RNGTT: variants seen among roughly 807,000 people sequenced by gnomAD.
RNGTT encodes the protein mRNA-capping enzyme.
In RNGTT, 33 loss-of-function variants were observed where a neutral mutation model predicts 79.3. The observed-to-expected ratio is 0.42, with a 90% CI of 0.32 to 0.56. The LOEUF is 0.56. RNGTT is among the 20% of genes least tolerant of loss of function. The pLI, the probability that RNGTT is intolerant of heterozygous loss-of-function variation, is 0.17. For synonymous variants in RNGTT, 222 were observed against 235.9 expected (o/e 0.94, Z 0.54); for missense variants, 497 against 739.1 (o/e 0.67, Z 3.80).
intron 14 of RNGTT, among the ~76,000 whole-genome samples, chr6:88,676,473 T>A (rs1296402091): frequency 6.6e-6 from 1 of 152,076 alleles, no homozygotes; most frequent in Non-Finnish European, 1.5e-5. Context: ...CTTAAAAGTA[T>A]AAAACTTCTA....
chr6:88,843,310 T>A (rs1781364802), intron 11 of RNGTT, among the ~76,000 whole-genome samples: 1 of 152,070 alleles, frequency 6.6e-6, no homozygotes, highest in South Asian at 2.1e-4. Context: ...TCCACCCATA[T>A]AAACAAAAAT....
intron 6 of RNGTT, among the ~76,000 whole-genome samples, chr6:88,893,667 T>G (rs1258682409): frequency 6.6e-6 from 1 of 152,186 alleles, no homozygotes; most frequent in Non-Finnish European, 1.5e-5. Context: ...AGTCTGGTTA[T>G]AAAAGTTAAC....
chr6:88,717,410 G>A (rs551307131), intron 13 of RNGTT, among the ~76,000 whole-genome samples: 6 of 152,038 alleles, frequency 3.9e-5, no homozygotes, highest in Non-Finnish European at 5.9e-5. Context: ...CAAGAAATAC[G>A]CACCTATTTT....
intron 1 of RNGTT, among the ~76,000 whole-genome samples, chr6:88,941,593 C>T (rs1784849013): frequency 6.6e-6 from 1 of 152,024 alleles, no homozygotes; most frequent in Admixed American, 6.5e-5. Flanking sequence ...AATGGAAAAG[C>T]AATCTAAAAA....
chr6:88,738,904 TAAAAG>T (rs903844249), intron 13 of RNGTT, among the ~76,000 whole-genome samples: 29 of 151,526 alleles, frequency 1.9e-4, no homozygotes, highest in African/African-American at 6.8e-4. Context: ...TGCATTCACA[TAAAAG>T]AAATTTTAAA....
At chr6:88,943,518 A>G (rs1392005118) in intron 1 of RNGTT, among the ~76,000 whole-genome samples, 1 of 152,048 alleles carries the variant, frequency 6.6e-6, no homozygotes, top group African/African-American at 2.4e-5. Flanking sequence ...GGTATGTACT[A>G]TGTACCAGGC....
chr6:88,727,140 A>G (rs1377077946), intron 13 of RNGTT, among the ~76,000 whole-genome samples: 3 of 152,250 alleles, frequency 2.0e-5, no homozygotes, highest in Non-Finnish European at 2.9e-5. Context: ...GTCGTGAAAA[A>G]AAAGTTATAA....
chr6:88,753,401 C>T (rs961836292), intron 13 of RNGTT, among the ~76,000 whole-genome samples: 5 of 151,506 alleles, frequency 3.3e-5, no homozygotes, highest in Admixed American at 6.6e-5. Flanking sequence ...TACTCAGGAG[C>T]CCAAAGGCAG....
At chr6:88,648,488 TAATAATAAA>T (rs1359712117) in intron 14 of RNGTT, among the ~76,000 whole-genome samples, 2 of 148,044 alleles carry the variant, frequency 1.4e-5, no homozygotes, top group African/African-American at 5.0e-5. Context: ...ATAATAATAA[TAATAATAAA>T]AAATTCTAAC....
chr6:88,913,214 CAAAAAAAAAAAACA>C (rs1268055341), intron 4 of RNGTT, among the ~76,000 whole-genome samples: 262 of 65,560 alleles, frequency 4.0e-3, no homozygotes, highest in African/African-American at 0.01. Context: ...CAAAAAAAAA[CAAAAAAAAAAAACA>C]AAAAAAAAAA....
chr6:88,649,876 A>C (rs971223815), intron 14 of RNGTT, among the ~76,000 whole-genome samples: 2 of 152,182 alleles, frequency 1.3e-5, no homozygotes, highest in Admixed American at 1.3e-4. Flanking sequence ...TGACTGAAGG[A>C]GAGACCAGGC....
intron 10 of RNGTT, among the ~76,000 whole-genome samples, chr6:88,846,266 T>C (rs9362576): frequency 0.041 from 6,237 of 152,280 alleles, 188 homozygotes; most frequent in African/African-American, 0.076. Flanking sequence ...CAAAACACTA[T>C]CCATGCTGCC....
At chr6:88,681,467 G>A (rs527615532) in intron 13 of RNGTT, among the ~76,000 whole-genome samples, 93 of 151,834 alleles carry the variant, frequency 6.1e-4, no homozygotes, top group Non-Finnish European at 1.2e-3. Context: ...TTGTTTGAGT[G>A]GATTTTAACA....
At chr6:88,884,397 T>C (rs1354191459) in intron 8 of RNGTT, among the ~76,000 whole-genome samples, 1 of 152,286 alleles carries the variant, frequency 6.6e-6, no homozygotes, top group East Asian at 1.9e-4. Context: ...AAAGACTATC[T>C]AATTCTAAAG....
At chr6:88,687,500 G>A (rs1775320891) in intron 13 of RNGTT, among the ~76,000 whole-genome samples, 2 of 152,200 alleles carry the variant, frequency 1.3e-5, no homozygotes, top group South Asian at 2.1e-4. Flanking sequence ...ACTGTTTGCA[G>A]TTGCAAAATG....
intron 14 of RNGTT, among the ~76,000 whole-genome samples, chr6:88,636,624 G>C (rs1165207804): frequency 6.7e-6 from 1 of 150,212 alleles, no homozygotes; most frequent in Non-Finnish European, 1.5e-5. Context: ...TATGGTTTTG[G>C]TTTAAGGGGA....
intron 13 of RNGTT, among the ~76,000 whole-genome samples, chr6:88,741,836 A>C (rs1430722508): frequency 6.6e-6 from 1 of 152,080 alleles, no homozygotes; most frequent in African/African-American, 2.4e-5. Flanking sequence ...TTCTTTCTCC[A>C]TCTCCTCATA....
intron 14 of RNGTT, among the ~76,000 whole-genome samples, chr6:88,646,671 T>G (rs1051054666): frequency 6.6e-6 from 1 of 152,112 alleles, no homozygotes; most frequent in Non-Finnish European, 1.5e-5. Context: ...CCATAAAAAA[T>G]GATGAGTTCA....
At chr6:88,961,525 C>T (rs949730052) in intron 1 of RNGTT, among the ~76,000 whole-genome samples, 1 of 152,054 alleles carries the variant, frequency 6.6e-6, no homozygotes, top group Non-Finnish European at 1.5e-5. Context: ...CAACCTCCGT[C>T]TCCTGGGTTC....
Sources: gnomAD v4.1 joint callset for allele counts (sites outside exome capture counted in the v4.1 genomes callset) on GRCh38, gnomAD v4.1.1 for gene constraint, MANE v1.5 for transcripts, NCBI Gene and HGNC (gene_info 2026-07-23, HGNC 2026-07-21) for gene names.